Variants in COL15A1 observed in about 807,000 individuals in gnomAD.
COL15A1 encodes collagen type XV alpha 1 chain, also known as collagen alpha-1(XV) chain.
Under a neutral mutation model 165.9 loss-of-function variants are expected in COL15A1, and 111 were observed. The observed-to-expected ratio is 0.67, with a 90% CI of 0.57 to 0.78. The LOEUF (loss-of-function observed/expected upper bound fraction) is 0.78. Among genes scored for constraint, COL15A1 ranks in the 30% least tolerant of loss-of-function variants. COL15A1 has a pLI of 0.00. For synonymous variants in COL15A1, 659 were observed against 674.8 expected (o/e 0.98, Z 0.36); for missense variants, 1,745 against 1,789.7 (o/e 0.98, Z 0.45).
chr9:99,035,328 C>T, intron 18 of COL15A1, 22 bp from the exon 19 acceptor site: 1 of 1,614,162 alleles, frequency 6.2e-7, no homozygotes, highest in Non-Finnish European at 8.5e-7. Flanking sequence ...ATCTGAAATT[C>T]TCATTCTTGC....
intron 24 of COL15A1, among the ~76,000 whole-genome samples, chr9:99,043,682 T>C (rs1036387974): frequency 1.3e-5 from 2 of 152,110 alleles, no homozygotes; most frequent in African/African-American, 4.8e-5. Flanking sequence ...TCTGCTTGCT[T>C]TGATGCTACT....
chr9:98,957,121 G>T (rs1010731401), intron 2 of COL15A1, among the ~76,000 whole-genome samples: 2 of 152,222 alleles, frequency 1.3e-5, no homozygotes, highest in Admixed American at 1.3e-4. Flanking sequence ...AAATGAGGGA[G>T]ATTGTCTCCG....
At position 99,047,834 on chromosome 9, in the gene COL15A1, C is replaced by T. The variant is rs1255093188; in HGVS notation, c.2728C>T (p.Arg910Ter). 8 of 1,613,964 alleles carry T rather than the reference C, an allele frequency of 5.0e-6. No homozygotes were observed. Among genetic ancestry groups the T allele is most frequent in the East Asian group, 2.2e-5 (1 of 44,864 alleles). Reference protein sequence around the residue: ...GHKGEFGLPGRPGRPGLNGLK... With the variant: ...GHKGEFGLPG Reference sequence around the variant, plus strand: ...TAAAGGAGAATTTGGCCTTCCCGGGCGACCTGTAGGTATCAGTGTTCATTG... The same window carrying T: ...TAAAGGAGAATTTGGCCTTCCCGGGTGACCTGTAGGTATCAGTGTTCATTG... Residue 910 changes from arginine (R) to a stop codon, truncating the protein, a stop_gained, in exon 27 of 42, where the codon CGA (arginine) becomes TGA (stop). Transcript: ENST00000375001. LOFTEE classifies it high-confidence loss of function.
intron 2 of COL15A1, among the ~76,000 whole-genome samples, chr9:98,950,180 C>A (rs770597269): frequency 1.3e-5 from 2 of 152,106 alleles, no homozygotes; most frequent in Non-Finnish European, 2.9e-5. Flanking sequence ...TGCTTGACGG[C>A]CTGTTTCTAC....
intron 12 of COL15A1, 104 bp from the exon 13 acceptor site, chr9:99,021,987 C>A: frequency 6.7e-7 from 1 of 1,485,122 alleles, no homozygotes; most frequent in Non-Finnish European, 9.4e-7. Flanking sequence ...ATTTTTCTTT[C>A]CTGTGTGATC....
Position 99,070,202 on chromosome 9 carries a change from G to A in COL15A1, c.*316G>A. 3.5e-6 allele frequency: 1 copy of A among 288,936 alleles called. No homozygotes were observed. Among genetic ancestry groups the A allele is most frequent in the Non-Finnish European group, 6.6e-6 (1 of 152,210 alleles). 17.9% of individuals were successfully genotyped at this position (288,936 alleles called of 1,614,324 possible). A position where few individuals can be genotyped will look rare whatever the true frequency, so the allele number is the denominator to read the frequency against. On this transcript the variant is annotated 3_prime_UTR_variant, in exon 42 of 42. Transcript: ENST00000375001. ...TGGCATTCTGCCACTGCATCCTTCA[G>A]ACAGTTATATCCTCCTTTTAAACCA... is the stretch of plus-strand genomic sequence containing the variant.
intron 35 of COL15A1, among the ~76,000 whole-genome samples, chr9:99,057,141 A>G (rs1176918120): frequency 6.6e-6 from 1 of 152,212 alleles, no homozygotes; most frequent in African/African-American, 2.4e-5. Flanking sequence ...CGAAGGAGTC[A>G]CAACATTTCT....
intron 23 of COL15A1, 107 bp downstream of exon 23, chr9:99,040,663 G>A: frequency 2.5e-6 from 4 of 1,585,162 alleles, no homozygotes; most frequent in South Asian, 1.1e-5. Flanking sequence ...TGAGCTCCAG[G>A]GGCATCTTGT....
At chr9:99,015,199 G>A (rs188095501) in intron 9 of COL15A1, among the ~76,000 whole-genome samples, 244 of 152,122 alleles carry the variant, frequency 1.6e-3, no homozygotes, top group African/African-American at 5.7e-3. Flanking sequence ...GCAGAGATGT[G>A]CTAGAAGGGA....
intron 15 of COL15A1, 55 bp downstream of exon 15, chr9:99,025,054 G>T: frequency 6.4e-7 from 1 of 1,558,650 alleles, no homozygotes; most frequent in Non-Finnish European, 8.8e-7. Context: ...TCCTTTAGCA[G>T]GGGAGGGGTG....
chr9:98,990,879 C>T (rs1564033311), intron 5 of COL15A1, among the ~76,000 whole-genome samples: 3 of 152,170 alleles, frequency 2.0e-5, no homozygotes, highest in Non-Finnish European at 2.9e-5. Context: ...GTGAGTGTTA[C>T]AGTTCTTAAA....
chr9:99,038,249 A>G (rs1405243730), intron 21 of COL15A1, among the ~76,000 whole-genome samples: 1 of 152,118 alleles, frequency 6.6e-6, no homozygotes, highest in Non-Finnish European at 1.5e-5. Flanking sequence ...AAAAATATTC[A>G]TATTCCAAAA....
intron 5 of COL15A1, among the ~76,000 whole-genome samples, chr9:98,991,796 G>A (rs1838437517): frequency 6.7e-6 from 1 of 149,056 alleles, no homozygotes; most frequent in Non-Finnish European, 1.5e-5. Flanking sequence ...TACAAACCTT[G>A]AGCTAGACAC....
At chr9:99,059,822 A>G in intron 35 of COL15A1, 67 bp from the exon 36 acceptor site, 1 of 1,574,928 alleles carries the variant, frequency 6.3e-7, no homozygotes, top group Non-Finnish European at 8.7e-7. Flanking sequence ...TCCGGGAGTC[A>G]GCTGATACCT....
At chr9:98,955,059 T>C (rs1837753461) in intron 2 of COL15A1, among the ~76,000 whole-genome samples, 1 of 152,200 alleles carries the variant, frequency 6.6e-6, no homozygotes, top group South Asian at 2.1e-4. Flanking sequence ...CTTGGAATCA[T>C]TTTGGGGATT....
In COL15A1 at chr9:99,020,374, A is replaced by G. The variant is rs955772386; in HGVS notation, c.1648-15A>G. On this transcript the variant is annotated splice_polypyrimidine_tract_variant and intron_variant, in intron 11 of 41. Transcript: ENST00000375001. ...TATGTTGTGGCCACGTTTTAACCAA[A>G]TCTTCTTCTTTTAGGCTCAAAGAGA... 6.2e-7 allele frequency: 1 copy of G among 1,608,908 alleles called. No homozygotes were observed. The highest frequency in any genetic ancestry group is 8.5e-7 in the Non-Finnish European group (1 of 1,175,340).
rs149800929 is a variant in COL15A1, at chr9:98,987,356, T to A, written c.711T>A (p.Pro237=). The A allele has an allele frequency of 6.2e-7, 1 of 1,612,234 alleles. No individual in the cohort carries two copies. The highest frequency in any genetic ancestry group is 1.3e-5 in the African/African-American group (1 of 74,752). Residue 237 remains proline (P), a synonymous_variant, in exon 4 of 42, where the codon CCT becomes CCA. Coordinates refer to ENST00000375001, the MANE Select transcript of COL15A1 (RefSeq NM_001855.5). ...DPRTPEELCD[P]EESSASGETS... ...GGACTCCCGAGGAGCTGTGTGACCC[T>A]GAAGAGTCCTCGGTGAGCTCCCCTA...
chr9:99,048,590 A>G (rs764731894), intron 28 of COL15A1, among the ~76,000 whole-genome samples: 1 of 152,012 alleles, frequency 6.6e-6, no homozygotes, highest in African/African-American at 2.4e-5. Flanking sequence ...TGTGCACAAC[A>G]TGCAGGTTTG....
chr9:99,007,880 T>A (rs1172717368), intron 9 of COL15A1, among the ~76,000 whole-genome samples: 5 of 152,204 alleles, frequency 3.3e-5, no homozygotes, highest in Non-Finnish European at 7.3e-5. Context: ...GTACAAATTT[T>A]AGAATTCAGT....
Sources: gnomAD v4.1 joint callset for allele counts (sites outside exome capture counted in the v4.1 genomes callset) on GRCh38, gnomAD v4.1.1 for gene constraint, MANE v1.5 for transcripts, NCBI Gene and HGNC (gene_info 2026-07-23, HGNC 2026-07-21) for gene names.